NHLRC2: variants seen among roughly 807,000 people sequenced by gnomAD.
The protein encoded by NHLRC2 is NHL repeat-containing protein 2.
A neutral mutation model predicts 68.1 loss-of-function variants in NHLRC2; 33 were observed. That is an observed-to-expected ratio of 0.48 (90% CI 0.37 to 0.65). NHLRC2 has a LOEUF of 0.65. NHLRC2 is among the 30% of genes least tolerant of loss of function. The pLI, the probability that NHLRC2 is intolerant of heterozygous loss-of-function variation, is 0.00. For missense variants in NHLRC2, 761 were observed against 853.8 expected (o/e 0.89, Z 1.35); for synonymous variants, 311 against 309.6 (o/e 1.00, Z -0.05).
chr10:113,871,220 C>T (rs1428731378), intron 2 of NHLRC2, among the ~76,000 whole-genome samples: 1 of 152,022 alleles, frequency 6.6e-6, no homozygotes, highest in Admixed American at 6.6e-5. Context: ...GACAGAGTTT[C>T]TCCATGTTGG....
At chr10:113,884,486 T>G (rs1846064303) in intron 5 of NHLRC2, 106 bp downstream of exon 5, 1 of 799,084 alleles carries the variant, frequency 1.3e-6, no homozygotes, top group Non-Finnish European at 1.9e-6. Flanking sequence ...TTATTTTATT[T>G]TATACTTTTA....
At chr10:113,858,232 C>T (rs1377288495) in intron 1 of NHLRC2, among the ~76,000 whole-genome samples, 3 of 151,796 alleles carry the variant, frequency 2.0e-5, no homozygotes, top group Admixed American at 1.3e-4. Context: ...TCTTTCTTCC[C>T]TTTTTGGGCT....
intron 5 of NHLRC2, among the ~76,000 whole-genome samples, chr10:113,893,477 T>A (rs1454716175): frequency 1.3e-5 from 2 of 152,176 alleles, no homozygotes; most frequent in Non-Finnish European, 2.9e-5. Context: ...GGTTGTTAAA[T>A]TGAAGGAAAT....
At chr10:113,900,377 G>A (rs985635811) in intron 6 of NHLRC2, among the ~76,000 whole-genome samples, 9 of 152,182 alleles carry the variant, frequency 5.9e-5, no homozygotes, top group Non-Finnish European at 1.5e-5. Flanking sequence ...AGAAGTAACA[G>A]AAGTTGCCAG....
rs1589551629 is a variant in NHLRC2 at position 113,911,570 on chromosome 10, T to C, written c.*3034T>C. The C allele has an allele frequency of 6.6e-6, 1 of 152,180 alleles. No homozygotes were observed. The highest frequency in any genetic ancestry group is 1.9e-4 in the East Asian group (1 of 5,202). The allele number at this position is 152,180 out of a possible 1,614,324, so 9.4% of individuals were successfully genotyped here. On this transcript the variant is annotated 3_prime_UTR_variant, in exon 11 of 11. Coordinates refer to ENST00000369301, the MANE Select transcript of NHLRC2 (RefSeq NM_198514.4). ...GATTCTTTTATGGCCAATATACTTT[T>C]GAGCTTGTATAACTGAGATAAGTTA...
intron 10 of NHLRC2, 90 bp from the exon 11 acceptor site, chr10:113,908,190 T>G: frequency 2.1e-6 from 2 of 932,318 alleles, no homozygotes; most frequent in Non-Finnish European, 3.3e-6. Context: ...TAATAAATAT[T>G]TGTCGATCGA....
chr10:113,881,148 G>A (rs368135723), intron 4 of NHLRC2, among the ~76,000 whole-genome samples: 17 of 151,818 alleles, frequency 1.1e-4, no homozygotes, highest in South Asian at 8.3e-4. Flanking sequence ...TCTATAATTC[G>A]TCAGAGGGGC....
chr10:113,910,596 T>A lies in NHLRC2; in HGVS notation c.*2060T>A, dbSNP rs556408351. 6.6e-6 allele frequency: 1 copy of A among 152,340 alleles called. No homozygotes were observed. Among genetic ancestry groups the A allele is most frequent in the African/African-American group, 2.4e-5 (1 of 41,586 alleles). 9.4% of individuals were successfully genotyped at this position (152,340 alleles called of 1,614,324 possible). ...TATTTTGGCCCAATCATTTTCTGTTTAAGGACTTAAACAATTTCACACTCT... is the reference window on the plus strand; with the variant it reads ...TATTTTGGCCCAATCATTTTCTGTTAAAGGACTTAAACAATTTCACACTCT... On this transcript the variant is annotated 3_prime_UTR_variant, in exon 11 of 11. Transcript: ENST00000369301.
At position 113,863,126 on chromosome 10, in the gene NHLRC2, C is replaced by A. The variant is rs1490689094; in HGVS notation, c.331+4446C>A. ...ACAATAGTAGTTGGAGAATTATACC[C>A]AATATATACAGGACACTCTCCCCAA... is the stretch of plus-strand genomic sequence containing the variant. On this transcript the variant is annotated intron_variant, in intron 2 of 10. Coordinates refer to ENST00000369301, the MANE Select transcript of NHLRC2 (RefSeq NM_198514.4). 2.0e-5 allele frequency among the ~76,000 whole-genome samples: 3 copies of A among 152,174 alleles called. No individual in the cohort carries two copies. The East Asian group carries it at 5.8e-4, about 29-fold the overall frequency.
At chr10:113,866,851 A>G (rs1460472413) in intron 2 of NHLRC2, among the ~76,000 whole-genome samples, 1 of 151,832 alleles carries the variant, frequency 6.6e-6, no homozygotes, top group Non-Finnish European at 1.5e-5. Flanking sequence ...AAAGATACCA[A>G]GCAGAATCAG....
Position 113,876,872 on chromosome 10 carries a change from A to G in NHLRC2, c.683A>G (p.Lys228Arg), listed in dbSNP as rs1486113822. The change falls in exon 3 of 11, where the codon AAA (lysine) becomes AGA (arginine). Residue 228 changes from lysine to arginine, a missense_variant. Lys to Arg is a conservative substitution (Grantham distance 26, BLOSUM62 2). Transcript: ENST00000369301. ...LPPSPLLFPG[K>R]VTVDQVTDRL... ...CCTTCACCATTGCTATTTCCTGGCA[A>G]AGTAACAGTAGACCAAGTTACTGAT... 1.2e-6 allele frequency: 2 copies of G among 1,613,168 alleles called. No individual in the cohort carries two copies. The highest frequency in any genetic ancestry group is 1.7e-5 in the Admixed American group (1 of 59,954).
intron 6 of NHLRC2, among the ~76,000 whole-genome samples, chr10:113,899,510 G>T (rs868839501): frequency 7.9e-5 from 12 of 152,198 alleles, no homozygotes; most frequent in African/African-American, 2.4e-4. Flanking sequence ...GATGAAATAT[G>T]CTCACTATGT....
At chr10:113,871,783 C>A (rs1404814174) in intron 2 of NHLRC2, among the ~76,000 whole-genome samples, 1 of 152,032 alleles carries the variant, frequency 6.6e-6, no homozygotes, top group African/African-American at 2.4e-5. Context: ...CCCCTCTGTT[C>A]CAAACAATAA....
intron 5 of NHLRC2, among the ~76,000 whole-genome samples, chr10:113,893,118 G>A (rs893517133): frequency 1.3e-5 from 2 of 152,206 alleles, no homozygotes. Context: ...ATTCCCAGGG[G>A]TACAGGGAGA....
At chr10:113,889,644 A>G (rs1425350065) in intron 5 of NHLRC2, among the ~76,000 whole-genome samples, 1 of 152,160 alleles carries the variant, frequency 6.6e-6, no homozygotes, top group Non-Finnish European at 1.5e-5. Flanking sequence ...TTGACAAAGA[A>G]GTGCAGTCTT....
At chr10:113,876,282 A>G (rs59816899) in intron 2 of NHLRC2, among the ~76,000 whole-genome samples, 5,151 of 152,204 alleles carry the variant, frequency 0.034, 292 homozygotes, top group African/African-American at 0.12. Flanking sequence ...TAATCCTGCA[A>G]TAGCCATATG....
intron 2 of NHLRC2, 158 bp downstream of exon 2, chr10:113,858,838 C>G: frequency 2.0e-6 from 1 of 505,318 alleles, no homozygotes; most frequent in Non-Finnish European, 3.5e-6. Context: ...TGTACCTTTT[C>G]ATAAAGGATT....
At chr10:113,867,855 A>C (rs936556612) in intron 2 of NHLRC2, among the ~76,000 whole-genome samples, 2 of 152,186 alleles carry the variant, frequency 1.3e-5, no homozygotes, top group Non-Finnish European at 2.9e-5. Flanking sequence ...ACGTTCTACT[A>C]TAGTATATAC....
chr10:113,916,692 A>T lies in NHLRC2; in HGVS notation c.*8156A>T, dbSNP rs373598130. The T allele has an allele frequency of 3.2e-4, 48 of 152,330 alleles. 2 individuals carry two copies. Among genetic ancestry groups the T allele is most frequent in the African/African-American group, 1.1e-3 (47 of 41,592 alleles). 9.4% of individuals were successfully genotyped at this position (152,330 alleles called of 1,614,324 possible). On this transcript the variant is annotated 3_prime_UTR_variant, in exon 11 of 11. Coordinates refer to ENST00000369301, the MANE Select transcript of NHLRC2 (RefSeq NM_198514.4). ...CATTTCATAAATATGTCAATTTTAG[A>T]AACTCAAACTCTTTCCCATCTTTTG...
Sources: allele counts gnomAD v4.1 joint callset (sites outside exome capture counted in the v4.1 genomes callset), GRCh38; gene constraint gnomAD v4.1.1; transcripts MANE v1.5; gene names NCBI Gene and HGNC (gene_info 2026-07-23, HGNC 2026-07-21).